Variants in CBLN2 observed in about 807,000 individuals in gnomAD.
CBLN2 encodes cerebellin 2 precursor, also known as cerebellin-2.
CBLN2 carries 7 observed loss-of-function variants against 15.0 expected under a neutral mutation model. That is an observed-to-expected ratio of 0.47 (90% CI 0.27 to 0.88). CBLN2 has a LOEUF of 0.88. Among genes scored for constraint, CBLN2 ranks in the 40% least tolerant of loss-of-function variants. The pLI is 0.14. For synonymous variants in CBLN2, 149 were observed against 135.2 expected, an observed-to-expected ratio of 1.10 and a Z score of -0.71; for missense variants, 242 against 304.5, an observed-to-expected ratio of 0.79 and a Z score of 1.53.
chr18:72,608,888 G>C (rs762197961), intron 1 of CBLN2, among the ~76,000 whole-genome samples: 7 of 152,204 alleles, frequency 4.6e-5, no homozygotes, highest in Non-Finnish European at 8.8e-5. Flanking sequence ...CATCTTACAT[G>C]ATGGCAGGCA....
At chr18:72,609,197 G>C (rs1254201787) in intron 1 of CBLN2, among the ~76,000 whole-genome samples, 1 of 152,060 alleles carries the variant, frequency 6.6e-6, no homozygotes, top group East Asian at 1.9e-4. Context: ...TAAATAAAAA[G>C]GGTTATGGGA....
intron 1 of CBLN2, among the ~76,000 whole-genome samples, chr18:72,598,171 G>A (rs2069525224): frequency 6.6e-6 from 1 of 152,132 alleles, no homozygotes; most frequent in Non-Finnish European, 1.5e-5. Context: ...AAACCAGCAT[G>A]GCTCTGAGTT....
intron 1 of CBLN2, among the ~76,000 whole-genome samples, chr18:72,637,284 A>C (rs1422602346): frequency 1.1e-5 from 1 of 92,306 alleles, no homozygotes; most frequent in Non-Finnish European, 2.5e-5. Context: ...GAACAAGCAA[A>C]AAAAAAAAAT....
chr18:72,615,213 T>A (rs1030307302), intron 1 of CBLN2, among the ~76,000 whole-genome samples: 1 of 132,228 alleles, frequency 7.6e-6, no homozygotes, highest in Non-Finnish European at 1.6e-5. Context: ...TATATATGTG[T>A]ATATATATGT....
chr18:72,599,950 G>A (rs1380239053), intron 1 of CBLN2, among the ~76,000 whole-genome samples: 1 of 152,184 alleles, frequency 6.6e-6, no homozygotes, highest in African/African-American at 2.4e-5. Context: ...TCTATGGGAA[G>A]CTTGGAGAGT....
chr18:72,592,773 T>C (rs1376386675), intron 1 of CBLN2, among the ~76,000 whole-genome samples: 1 of 152,182 alleles, frequency 6.6e-6, no homozygotes, highest in African/African-American at 2.4e-5. Flanking sequence ...TGTATGTTCT[T>C]GGTATCTTTG....
At chr18:72,634,028 ACTTCT>A (rs1173524301) in intron 1 of CBLN2, among the ~76,000 whole-genome samples, 2 of 152,028 alleles carry the variant, frequency 1.3e-5, no homozygotes, top group East Asian at 3.9e-4. Flanking sequence ...CAATATACAA[ACTTCT>A]CTTTAAGTTA....
At chr18:72,596,372 A>G (rs2069513876) in intron 1 of CBLN2, among the ~76,000 whole-genome samples, 1 of 152,044 alleles carries the variant, frequency 6.6e-6, no homozygotes, top group African/African-American at 2.4e-5. Flanking sequence ...GTATCTTATT[A>G]TACTGCCTGT....
intron 1 of CBLN2, among the ~76,000 whole-genome samples, chr18:72,607,137 T>A (rs908284287): frequency 6.6e-6 from 1 of 152,164 alleles, no homozygotes; most frequent in Non-Finnish European, 1.5e-5. Flanking sequence ...GTGAACATGA[T>A]CATCTGTGAA....
At chr18:72,578,127 T>C (rs895549363) in intron 1 of CBLN2, among the ~76,000 whole-genome samples, 1 of 152,150 alleles carries the variant, frequency 6.6e-6, no homozygotes, top group Non-Finnish European at 1.5e-5. Context: ...CTACCCAGAG[T>C]ATTGTTATAG....
At chr18:72,557,177 T>A (rs1180948180) in intron 1 of CBLN2, among the ~76,000 whole-genome samples, 1 of 152,086 alleles carries the variant, frequency 6.6e-6, no homozygotes, top group Non-Finnish European at 1.5e-5. Flanking sequence ...TGCTTTAATT[T>A]GAATTTTAAA....
At chr18:72,610,539 G>A (rs776964046) in intron 1 of CBLN2, among the ~76,000 whole-genome samples, 1 of 152,032 alleles carries the variant, frequency 6.6e-6, no homozygotes, top group Non-Finnish European at 1.5e-5. Context: ...TACACTACAT[G>A]AGGGAAGGGA....
At chr18:72,582,802 T>C (rs1458693016) in intron 1 of CBLN2, among the ~76,000 whole-genome samples, 5 of 152,204 alleles carry the variant, frequency 3.3e-5, no homozygotes, top group African/African-American at 1.2e-4. Context: ...AGTGGAAACA[T>C]GAGACCTAGA....
intron 1 of CBLN2, among the ~76,000 whole-genome samples, chr18:72,567,713 G>A (rs921292170): frequency 4.6e-5 from 7 of 151,672 alleles, no homozygotes; most frequent in African/African-American, 1.2e-4. Flanking sequence ...CTTTCTCCTG[G>A]ATTACTCTCC....
chr18:72,606,413 G>C (rs892574570), intron 1 of CBLN2, among the ~76,000 whole-genome samples: 3 of 152,240 alleles, frequency 2.0e-5, no homozygotes, highest in East Asian at 3.9e-4. Flanking sequence ...TGGGGTTATA[G>C]TAGTAACCTG....
chr18:72,609,740 G>A (rs1455941972), intron 1 of CBLN2, among the ~76,000 whole-genome samples: 5 of 152,188 alleles, frequency 3.3e-5, no homozygotes, highest in Middle Eastern at 3.2e-3. Context: ...TGGATGGGAC[G>A]AGTAAGCATT....
At chr18:72,552,604 T>G (rs1371896274) in intron 1 of CBLN2, 1 of 152,076 alleles carries the variant, frequency 6.6e-6, no homozygotes, top group Admixed American at 6.6e-5. Flanking sequence ...ACATCCACGT[T>G]CTCCTTTTTC....
At position 72,577,760 on chromosome 18, in the gene CBLN2, T is replaced by A. The variant is rs560498632; in HGVS notation, c.16-38988A>T. On this transcript the variant is annotated intron_variant, in intron 1 of 2. Transcript: ENST00000581073. ...TCCATCACAACTGATTTCATGTTCA[T>A]CTCGTGAGTTGCACATTTCAATATG... 2.6e-5 allele frequency among the ~76,000 whole-genome samples: 4 copies of A among 152,314 alleles called. No individual in the cohort carries two copies. In the South Asian group the frequency reaches 8.3e-4, roughly 32 times the overall value.
At chr18:72,544,379 T>A (rs1208327042), upstream of CBLN2, 1 of 152,178 alleles carries the variant, frequency 6.6e-6, no homozygotes, top group Non-Finnish European at 1.5e-5. Context: ...TTTATTAAAT[T>A]GCGGTGTCCG....
Sources: gnomAD v4.1 joint callset for allele counts (sites outside exome capture counted in the v4.1 genomes callset) on GRCh38, gnomAD v4.1.1 for gene constraint, MANE v1.5 for transcripts, NCBI Gene and HGNC (gene_info 2026-07-23, HGNC 2026-07-21) for gene names.